DBT: variants seen among roughly 807,000 people sequenced by gnomAD.
The protein encoded by DBT is dihydrolipoamide branched chain transacylase E2.
Under a neutral mutation model 51.3 loss-of-function variants are expected in DBT, and 40 were observed. The observed-to-expected ratio is 0.78, with a 90% confidence interval of 0.61 to 1.02. The LOEUF is 1.02. Among genes scored for constraint, DBT ranks in the 50% least tolerant of loss-of-function variants. The pLI is 0.00. For missense variants in DBT, 510 were observed against 580.2 expected (o/e 0.88, Z 1.24); for synonymous variants, 181 against 190.4 (o/e 0.95, Z 0.41).
At chr1:100,232,745 A>C (rs1407635823) in intron 3 of DBT, among the ~76,000 whole-genome samples, 1 of 152,176 alleles carries the variant, frequency 6.6e-6, no homozygotes, top group Non-Finnish European at 1.5e-5. Flanking sequence ...CTGACACTAC[A>C]GGCCTGTGCC....
intron 4 of DBT, among the ~76,000 whole-genome samples, chr1:100,223,331 A>G (rs547740936): frequency 6.6e-6 from 1 of 152,346 alleles, no homozygotes; most frequent in African/African-American, 2.4e-5. Context: ...CATCAGCTGT[A>G]AAGACAACTC....
chr1:100,214,857 G>A lies in DBT; in HGVS notation c.899C>T (p.Ala300Val), dbSNP rs760045168. The stretch of plus-strand genomic sequence containing the variant: ...CATAAAGGAGAGTTTAATTCCACGA[G>A]CAAATGCAATGGGTTTTAATTCTTC... Reference protein sequence around the residue: ...LREELKPIAFARGIKLSFMPF... With the variant: ...LREELKPIAFVRGIKLSFMPF... The change falls in exon 7 of 11, where the codon GCT becomes GTT. Residue 300 changes from alanine (A) to valine (V), a missense_variant. By Grantham distance (64) the Ala-to-Val change is moderately conservative. Coordinates refer to ENST00000370132, the MANE Select transcript of DBT (RefSeq NM_001918.5). 1.5e-5 allele frequency: 25 copies of A among 1,614,008 alleles called. No homozygotes were observed. The Admixed American group carries it at 2.7e-4, about 17-fold the overall frequency.
chr1:100,202,281 GAC>G (rs1661482244), intron 10 of DBT, among the ~76,000 whole-genome samples: 1 of 151,984 alleles, frequency 6.6e-6, no homozygotes, highest in Non-Finnish European at 1.5e-5. Context: ...TGATAAAACA[GAC>G]TTTAAACCAA....
intron 8 of DBT, among the ~76,000 whole-genome samples, chr1:100,209,558 T>TCTTTTTTTA (rs1553229906): frequency 2.0e-4 from 30 of 152,228 alleles, no homozygotes; most frequent in African/African-American, 7.2e-4. Flanking sequence ...TTCTTTTTTT[T>TCTTTTTTTA]CTTTTTTTAA....
rs1450599163 is a variant in DBT, at chr1:100,196,112, G to A, written c.*143C>T. 12 of 768,698 alleles carry A rather than the reference G, an allele frequency of 1.6e-5. No individual in the cohort carries two copies. Among genetic ancestry groups the A allele is most frequent in the Non-Finnish European group, 2.4e-5 (11 of 452,856 alleles). The allele number at this position is 768,698 out of a possible 1,614,324, so 47.6% of individuals were successfully genotyped here. A position where few individuals can be genotyped will look rare whatever the true frequency, so the allele number is the denominator to read the frequency against. ...TTTCAGTAAAAAGTCTAATAGAACA[G>A]TGACAAATATTGTGCCTTAGATCCT... On this transcript the variant is annotated 3_prime_UTR_variant, in exon 11 of 11. Transcript: ENST00000370132.
At chr1:100,203,657 A>G (rs1045774277) in intron 10 of DBT, among the ~76,000 whole-genome samples, 3 of 152,214 alleles carry the variant, frequency 2.0e-5, no homozygotes, top group African/African-American at 7.2e-5. Flanking sequence ...CAAAAAGAAA[A>G]TTTCAGGCCA....
At chr1:100,238,241 C>T (rs1186113818) in intron 2 of DBT, among the ~76,000 whole-genome samples, 1 of 140,922 alleles carries the variant, frequency 7.1e-6, no homozygotes, top group Non-Finnish European at 1.6e-5. Flanking sequence ...TTCCTTCCCT[C>T]ACTTCCTTTC....
chr1:100,231,320 A>G (rs1663546736), intron 3 of DBT, among the ~76,000 whole-genome samples: 1 of 152,190 alleles, frequency 6.6e-6, no homozygotes, highest in Admixed American at 6.5e-5. Flanking sequence ...TCCTCAATAC[A>G]TATCCTTTGT....
chr1:100,209,016 C>T (rs532608749), intron 8 of DBT, among the ~76,000 whole-genome samples: 2 of 150,866 alleles, frequency 1.3e-5, no homozygotes, highest in East Asian at 3.9e-4. Context: ...AGATGTATAT[C>T]TCAACATAAA....
intron 4 of DBT, among the ~76,000 whole-genome samples, chr1:100,219,942 C>T (rs1409766737): frequency 6.6e-6 from 1 of 151,878 alleles, no homozygotes; most frequent in Non-Finnish European, 1.5e-5. Context: ...GCCAGGAGTT[C>T]GAGATCAGCC....
At chr1:100,236,093 CTT>C (rs1225134794) in intron 2 of DBT, among the ~76,000 whole-genome samples, 1 of 145,742 alleles carries the variant, frequency 6.9e-6, no homozygotes, top group Non-Finnish European at 1.5e-5. Context: ...CCCATCCCTC[CTT>C]TTTTTTTTTG....
intron 3 of DBT, among the ~76,000 whole-genome samples, chr1:100,235,075 T>A (rs1663787385): frequency 6.6e-6 from 1 of 152,214 alleles, no homozygotes; most frequent in African/African-American, 2.4e-5. Context: ...TTCATGACTT[T>A]TGGTAAAATA....
At chr1:100,210,931 T>C in intron 7 of DBT, 160 bp from the exon 8 acceptor site, 1 of 1,476,922 alleles carries the variant, frequency 6.8e-7, no homozygotes, top group Non-Finnish European at 9.2e-7. Flanking sequence ...CTGCCAATGT[T>C]ACCTTCAGGC....
Position 100,206,619 on chromosome 1 carries a change from C to A in DBT, c.1035G>T (p.Gly345=), listed in dbSNP as rs1307463742. 6.2e-7 allele frequency: 1 copy of A among 1,607,406 alleles called. No individual in the cohort carries two copies. Among genetic ancestry groups the A allele is most frequent in the Admixed American group, 1.7e-5 (1 of 59,998 alleles). The part of the protein sequence containing the change: ...NITYKASHNI[G]IAMDTEQGLI... ...AACCCTGCTCAGTATCCATTGCTAT[C>A]CCAATGTTATGAGAAGCCTAAAAAA... Residue 345 remains glycine, a synonymous_variant, in exon 9 of 11, where the codon GGG becomes GGT. Coordinates refer to ENST00000370132, the MANE Select transcript of DBT (RefSeq NM_001918.5).
chr1:100,190,828 A>AGGTTATTT lies in DBT; in HGVS notation c.*5426_*5427insAAATAACC, dbSNP rs1660775142. On this transcript the variant is annotated 3_prime_UTR_variant, in exon 11 of 11. Transcript: ENST00000370132. ...CTGAGGTTATTTGCTTATTATGACA[A>AGGTTATTT]GCCTGGGAAGACGTTTGGGTAGGTG... 1 of 152,228 alleles carries AGGTTATTT rather than the reference A, an allele frequency of 6.6e-6. No individual in the cohort carries two copies. Among genetic ancestry groups the AGGTTATTT allele is most frequent in the Non-Finnish European group, 1.5e-5 (1 of 68,044 alleles). The allele number at this position is 152,228 out of a possible 1,614,324, so 9.4% of individuals were successfully genotyped here.
In DBT at chr1:100,188,970, C is replaced by T. The variant is rs1034698356; in HGVS notation, c.*7285G>A. ...CTGCCACATAATGAATTTTCATTTC[C>T]ATTTTATTCTGAACTTGCAAACATC... is the stretch of plus-strand genomic sequence containing the variant. On this transcript the variant is annotated 3_prime_UTR_variant, in exon 11 of 11. Transcript: ENST00000370132. 6.6e-6 allele frequency: 1 copy of T among 152,130 alleles called. No individual in the cohort carries two copies. The highest frequency in any genetic ancestry group is 1.5e-5 in the Non-Finnish European group (1 of 68,040). The allele number at this position is 152,130 out of a possible 1,614,324, so 9.4% of individuals were successfully genotyped here. A position where few individuals can be genotyped will look rare whatever the true frequency, so the allele number is the denominator to read the frequency against.
chr1:100,213,161 A>G (rs11166416), intron 7 of DBT: 359,147 of 436,716 alleles, frequency 0.82, 151,075 homozygotes, highest in East Asian at 0.95. Flanking sequence ...AGACAGTAAT[A>G]TTTACATGTC....
chr1:100,243,940 G>GAGA (rs1664383851), intron 1 of DBT, among the ~76,000 whole-genome samples: 1 of 136,118 alleles, frequency 7.3e-6, no homozygotes, highest in Non-Finnish European at 1.5e-5. Context: ...ATAGGTTTAC[G>GAGA]AAAAAAAAAA....
intron 4 of DBT, among the ~76,000 whole-genome samples, chr1:100,225,988 C>T (rs1570830179): frequency 6.6e-6 from 1 of 152,152 alleles, no homozygotes; most frequent in South Asian, 2.1e-4. Context: ...AGCAAGACCC[C>T]ATGTCAAAAA....
Sources: allele counts gnomAD v4.1 joint callset (sites outside exome capture counted in the v4.1 genomes callset), GRCh38; gene constraint gnomAD v4.1.1; transcripts MANE v1.5; gene names NCBI Gene and HGNC (gene_info 2026-07-23, HGNC 2026-07-21).